PLCB1: variants seen among roughly 807,000 people sequenced by gnomAD.
PLCB1 encodes phospholipase C beta 1.
Under a neutral mutation model 161.8 loss-of-function variants are expected in PLCB1, and 46 were observed. The observed-to-expected ratio is 0.28, with a 90% confidence interval of 0.22 to 0.36. The LOEUF is 0.36. Ranked by LOEUF, PLCB1 falls within the 10% of genes least tolerant of loss-of-function variation. The probability of loss-of-function intolerance (pLI) is 1.00; values close to 1 mark genes in which losing one functional copy is unlikely to be tolerated. For synonymous variants in PLCB1, 517 were observed against 503.7 expected (o/e 1.03, Z -0.35); for missense variants, 1,016 against 1,472.5 (o/e 0.69, Z 5.07).
At chr20:8,248,722 A>G (rs1409424689) in intron 2 of PLCB1, 1 of 151,868 alleles carries the variant, frequency 6.6e-6, no homozygotes, top group Non-Finnish European at 1.5e-5. Context: ...AAGACCAAAT[A>G]CCCAAAAGAT....
chr20:8,835,579 C>T (rs1986248060), intron 31 of PLCB1, among the ~76,000 whole-genome samples: 1 of 152,030 alleles, frequency 6.6e-6, no homozygotes, highest in African/African-American at 2.4e-5. Context: ...GTTTTACTAG[C>T]CTGTCCTGAG....
At chr20:8,862,388 TG>T (rs1344616726) in intron 31 of PLCB1, among the ~76,000 whole-genome samples, 1 of 152,218 alleles carries the variant, frequency 6.6e-6, no homozygotes, top group Non-Finnish European at 1.5e-5. Flanking sequence ...ATTCGCAGCC[TG>T]TCTTTTCTCC....
At chr20:8,646,817 T>C (rs535109232) in intron 5 of PLCB1, among the ~76,000 whole-genome samples, 10 of 152,368 alleles carry the variant, frequency 6.6e-5, no homozygotes, top group African/African-American at 2.4e-4. Context: ...TTAGGCAAGA[T>C]GAGCAGCAAG....
intron 2 of PLCB1, among the ~76,000 whole-genome samples, chr20:8,353,005 A>G (rs1219590827): frequency 2.0e-5 from 3 of 152,168 alleles, no homozygotes. Context: ...AAGAGGACCT[A>G]CAAACAATAA....
intron 3 of PLCB1, among the ~76,000 whole-genome samples, chr20:8,554,608 G>A (rs188110762): frequency 1.3e-5 from 2 of 152,192 alleles, no homozygotes; most frequent in African/African-American, 4.8e-5. Context: ...TAGAGTACAA[G>A]AGGACTGATT....
intron 2 of PLCB1, among the ~76,000 whole-genome samples, chr20:8,329,972 G>A (rs759907131): frequency 1.3e-5 from 2 of 152,126 alleles, no homozygotes; most frequent in Non-Finnish European, 2.9e-5. Context: ...GTAATTAAAT[G>A]CTGACATATT....
intron 4 of PLCB1, among the ~76,000 whole-genome samples, chr20:8,641,568 C>T (rs1456099826): frequency 6.6e-6 from 1 of 152,238 alleles, no homozygotes; most frequent in Non-Finnish European, 1.5e-5. Context: ...ACTCTCCCCT[C>T]TTCTGGTCAT....
chr20:8,774,501 C>A, intron 26 of PLCB1, 38 bp from the exon 27 acceptor site: 4 of 1,553,242 alleles, frequency 2.6e-6, no homozygotes, highest in Non-Finnish European at 3.5e-6. Context: ...CTTGTTATGG[C>A]CTGTCTGTTT....
chr20:8,390,044 G>C (rs1318401764), intron 3 of PLCB1, among the ~76,000 whole-genome samples: 1 of 152,086 alleles, frequency 6.6e-6, no homozygotes, highest in Non-Finnish European at 1.5e-5. Flanking sequence ...CCACTTTTCA[G>C]TCAAGTTTTC....
chr20:8,543,457 G>T (rs1023579656), intron 3 of PLCB1, among the ~76,000 whole-genome samples: 1 of 152,004 alleles, frequency 6.6e-6, no homozygotes, highest in Non-Finnish European at 1.5e-5. Context: ...TGGCAACAGG[G>T]GATAGGCCAC....
At chr20:8,548,206 T>TTTCCTTCC (rs71183098) in intron 3 of PLCB1, among the ~76,000 whole-genome samples, 5 of 142,894 alleles carry the variant, frequency 3.5e-5, no homozygotes, top group African/African-American at 1.3e-4. Context: ...TCCCATTTTC[T>TTTCCTTCC]TTCCTTCCTT....
At chr20:8,375,386 G>C (rs1290021164) in intron 3 of PLCB1, among the ~76,000 whole-genome samples, 1 of 152,136 alleles carries the variant, frequency 6.6e-6, no homozygotes, top group Non-Finnish European at 1.5e-5. Flanking sequence ...TGATCTATTA[G>C]TAGTTCCTGA....
chr20:8,445,818 G>A (rs1038867602), intron 3 of PLCB1, among the ~76,000 whole-genome samples: 1 of 151,980 alleles, frequency 6.6e-6, no homozygotes, highest in African/African-American at 2.4e-5. Context: ...AATTGTGAAT[G>A]GGAGTTCACT....
In PLCB1 at chr20:8,706,489, G is replaced by C. The variant is rs561183838; in HGVS notation, c.1168-2181G>C. On this transcript the variant is annotated intron_variant, in intron 11 of 31. Coordinates refer to ENST00000338037, the MANE Select transcript of PLCB1 (RefSeq NM_015192.4). Reference sequence around the variant, plus strand: ...GACAAGATTGCTGATGAATTGAAAGGTGTGAGAGAAGGAGAGGAGGCGAGA... The same window carrying C: ...GACAAGATTGCTGATGAATTGAAAGCTGTGAGAGAAGGAGAGGAGGCGAGA... 3.3e-5 allele frequency among the ~76,000 whole-genome samples: 5 copies of C among 152,330 alleles called. No individual in the cohort carries two copies. The South Asian group carries it at 1.0e-3, about 32-fold the overall frequency.
At chr20:8,177,118 C>A (rs909244128) in intron 2 of PLCB1, among the ~76,000 whole-genome samples, 2 of 152,086 alleles carry the variant, frequency 1.3e-5, no homozygotes, top group African/African-American at 4.8e-5. Context: ...TTTGTCCCCC[C>A]AAAAAATCAT....
At chr20:8,767,300 C>G (rs1229801918) in intron 26 of PLCB1, among the ~76,000 whole-genome samples, 1 of 152,156 alleles carries the variant, frequency 6.6e-6, no homozygotes, top group East Asian at 1.9e-4. Context: ...GCTGATGCTG[C>G]TGGTCCACAG....
chr20:8,280,105 G>A (rs927146611), intron 2 of PLCB1, among the ~76,000 whole-genome samples: 1 of 152,146 alleles, frequency 6.6e-6, no homozygotes, highest in Non-Finnish European at 1.5e-5. Context: ...AGAGGCTGAG[G>A]CGGGCGGATC....
Position 8,788,451 on chromosome 20 carries a change from T to C in PLCB1, c.3114T>C (p.Leu1038=), listed in dbSNP as rs1983593458. The change falls in exon 28 of 32, where the codon CTT becomes CTC. Residue 1038 remains leucine (L), a splice_region_variant and synonymous_variant. Coordinates refer to ENST00000338037, the MANE Select transcript of PLCB1 (RefSeq NM_015192.4). ...KYQKREHIKL[L]IQKLTDVAEE... ...AAACTGACATTTTCTTTTTCCAGCT[T>C]ATTCAAAAGTTGACGGATGTCGCAG... is the stretch of plus-strand genomic sequence containing the variant. The C allele has an allele frequency of 1.2e-6, 2 of 1,612,548 alleles. No homozygotes were observed. Among genetic ancestry groups the C allele is most frequent in the Non-Finnish European group, 1.7e-6 (2 of 1,179,580 alleles).
intron 5 of PLCB1, 84 bp downstream of exon 5, chr20:8,646,265 C>A: frequency 2.2e-6 from 2 of 898,570 alleles, no homozygotes; most frequent in Non-Finnish European, 3.7e-6. Context: ...CCGTTTATGC[C>A]ATACTGACTT....
Sources: gnomAD v4.1 joint callset for allele counts (sites outside exome capture counted in the v4.1 genomes callset) on GRCh38, gnomAD v4.1.1 for gene constraint, MANE v1.5 for transcripts, NCBI Gene and HGNC (gene_info 2026-07-23, HGNC 2026-07-21) for gene names.